FBXW8: variants seen among roughly 807,000 people sequenced by gnomAD.
FBXW8 encodes F-box and WD repeat domain containing 8.
A neutral mutation model predicts 65.3 loss-of-function variants in FBXW8; 57 were observed. The observed-to-expected ratio is 0.87, with a 90% CI of 0.71 to 1.09. FBXW8 has a LOEUF of 1.09. FBXW8 is among the 50% of genes least tolerant of loss of function. The pLI, the probability that FBXW8 is intolerant of heterozygous loss-of-function variation, is 0.00. For synonymous variants in FBXW8, 308 were observed against 330.2 expected (o/e 0.93, Z 0.73); for missense variants, 777 against 814.8 (o/e 0.95, Z 0.57).
intron 7 of FBXW8, among the ~76,000 whole-genome samples, chr12:116,995,433 T>C (rs1028534505): frequency 6.6e-6 from 1 of 152,162 alleles, no homozygotes; most frequent in African/African-American, 2.4e-5. Flanking sequence ...GGATGCTGAG[T>C]TGCTGAGGGC....
At chr12:117,003,608 T>C (rs1157382616) in intron 7 of FBXW8, among the ~76,000 whole-genome samples, 3 of 152,272 alleles carry the variant, frequency 2.0e-5, no homozygotes, top group Admixed American at 2.0e-4. Context: ...GTGCATTCTT[T>C]AGAAGTTTCT....
At chr12:116,957,349 AT>A (rs1397250328) in intron 4 of FBXW8, among the ~76,000 whole-genome samples, 8 of 151,924 alleles carry the variant, frequency 5.3e-5, no homozygotes, top group East Asian at 3.9e-4. Context: ...CTCAAAAAAA[AT>A]TTTTTTTTAA....
chr12:116,920,126 C>T (rs1170010533), intron 1 of FBXW8, among the ~76,000 whole-genome samples: 1 of 152,164 alleles, frequency 6.6e-6, no homozygotes, highest in Non-Finnish European at 1.5e-5. Flanking sequence ...GTTAATTCTT[C>T]CGTGATTTCT....
At chr12:117,014,357 C>T (rs747960580) in intron 8 of FBXW8, among the ~76,000 whole-genome samples, 1 of 152,164 alleles carries the variant, frequency 6.6e-6, no homozygotes, top group African/African-American at 2.4e-5. Flanking sequence ...ACCTTTACCT[C>T]GTGGAATATA....
Position 117,030,534 on chromosome 12 carries a change from A to G in FBXW8, c.*2362A>G, listed in dbSNP as rs141869018. Reference sequence around the variant, plus strand: ...TTTCTTTTCAAAAAGCAGCCCCTTCAGTCTGCGTTCCCAGTTCATTTTGCA... The same window carrying G: ...TTTCTTTTCAAAAAGCAGCCCCTTCGGTCTGCGTTCCCAGTTCATTTTGCA... On this transcript the variant is annotated 3_prime_UTR_variant, in exon 11 of 11. Coordinates refer to ENST00000652555, the MANE Select transcript of FBXW8 (RefSeq NM_153348.3). 249 of 152,336 alleles carry G rather than the reference A, an allele frequency of 1.6e-3. 1 individual carries two copies. Among genetic ancestry groups the G allele is most frequent in the African/African-American group, 5.7e-3 (237 of 41,574 alleles). The allele number at this position is 152,336 out of a possible 1,614,324, so 9.4% of individuals were successfully genotyped here.
chr12:117,005,577 G>A (rs901492475), intron 7 of FBXW8, among the ~76,000 whole-genome samples: 22 of 152,206 alleles, frequency 1.4e-4, no homozygotes, highest in African/African-American at 4.6e-4. Context: ...ACAGATCTGG[G>A]GAAGAGCCGG....
chr12:117,027,220 G>A (rs770383283), intron 9 of FBXW8, among the ~76,000 whole-genome samples, 174 bp from the exon 10 acceptor site: 1 of 152,228 alleles, frequency 6.6e-6, no homozygotes, highest in African/African-American at 2.4e-5. Context: ...GCTCACCTGA[G>A]CTTCGGGAAC....
intron 1 of FBXW8, among the ~76,000 whole-genome samples, chr12:116,925,946 A>T (rs1342080347): frequency 6.6e-6 from 1 of 152,172 alleles, no homozygotes; most frequent in East Asian, 1.9e-4. Flanking sequence ...GCTGGGTTGC[A>T]TCCCAGGGAT....
chr12:117,006,644 C>G (rs966932500), intron 7 of FBXW8, among the ~76,000 whole-genome samples: 2 of 152,222 alleles, frequency 1.3e-5, no homozygotes, highest in Non-Finnish European at 2.9e-5. Context: ...GGTGGGTCTC[C>G]TCAGAGAGGC....
chr12:116,919,701 A>G (rs909832103), intron 1 of FBXW8, among the ~76,000 whole-genome samples: 1 of 152,188 alleles, frequency 6.6e-6, no homozygotes, highest in African/African-American at 2.4e-5. Flanking sequence ...TTGAGTTGAA[A>G]TAATGTGGGC....
In FBXW8 at chr12:117,030,991, C is replaced by A. The variant is rs971716858; in HGVS notation, c.*2819C>A. Reference sequence around the variant, plus strand: ...AGTCCCTCTCAGGGACGCCTCCATCCCCGGCTCCCCTAAAGGTAGAAGATA... The same window carrying A: ...AGTCCCTCTCAGGGACGCCTCCATCACCGGCTCCCCTAAAGGTAGAAGATA... On this transcript the variant is annotated 3_prime_UTR_variant, in exon 11 of 11. Coordinates refer to ENST00000652555, the MANE Select transcript of FBXW8 (RefSeq NM_153348.3). The A allele has an allele frequency of 7.9e-5, 12 of 152,208 alleles. No homozygotes were observed. The highest frequency in any genetic ancestry group is 2.9e-4 in the African/African-American group (12 of 41,454). The allele number at this position is 152,208 out of a possible 1,614,324, so 9.4% of individuals were successfully genotyped here.
chr12:117,018,129 T>C (rs577828352), intron 8 of FBXW8, among the ~76,000 whole-genome samples: 1 of 152,234 alleles, frequency 6.6e-6, no homozygotes, highest in Non-Finnish European at 1.5e-5. Flanking sequence ...GTTGGAGTCT[T>C]TGGAAGGTTC....
At position 116,949,583 on chromosome 12, in the gene FBXW8, G is replaced by A. The variant is rs559339878; in HGVS notation, c.589-35G>A. 3.1e-6 allele frequency: 5 copies of A among 1,597,274 alleles called. No individual in the cohort carries two copies. The Admixed American group carries it at 5.0e-5, about 16-fold the overall frequency. ...GCTTGGCTTTCGGGCTGTCCCGAGA[G>A]CAGTCTAAACTGCATCCCCCTTTTC... On this transcript the variant is annotated intron_variant, in intron 3 of 10. Coordinates refer to ENST00000652555, the MANE Select transcript of FBXW8 (RefSeq NM_153348.3).
At chr12:117,010,901 A>G (rs1456782517) in intron 8 of FBXW8, among the ~76,000 whole-genome samples, 1 of 152,208 alleles carries the variant, frequency 6.6e-6, no homozygotes, top group African/African-American at 2.4e-5. Context: ...TGATGGAAGG[A>G]AAGAGAGACT....
chr12:117,028,376 C>G lies in FBXW8; in HGVS notation c.*204C>G. 1 of 628,444 alleles carries G rather than the reference C, an allele frequency of 1.6e-6. No individual in the cohort carries two copies. The highest frequency in any genetic ancestry group is 2.0e-5 in the South Asian group (1 of 49,958). The allele number at this position is 628,444 out of a possible 1,614,324, so 38.9% of individuals were successfully genotyped here. The stretch of plus-strand genomic sequence containing the variant: ...CTGGCGTGTGCCAGGGCTCGAGTCC[C>G]ACGTGCTGCCAACTCAAACATAGCC... On this transcript the variant is annotated 3_prime_UTR_variant, in exon 11 of 11. Transcript: ENST00000652555. The surrounding 1 kb of genome is among the most constrained non-coding windows in gnomAD (Gnocchi z 4.1).
chr12:116,993,138 C>G (rs1953292167), intron 7 of FBXW8, among the ~76,000 whole-genome samples: 1 of 115,000 alleles, frequency 8.7e-6, no homozygotes, highest in South Asian at 3.0e-4. Context: ...ACGTCTTGCT[C>G]TGTCGCCCAG....
At chr12:116,977,524 A>G (rs1001559552) in intron 5 of FBXW8, 7 of 152,128 alleles carry the variant, frequency 4.6e-5, no homozygotes, top group Non-Finnish European at 1.0e-4. Flanking sequence ...TGTACCCATC[A>G]CTCAGCTTCA....
At chr12:116,944,361 G>A (rs749478119) in intron 2 of FBXW8, among the ~76,000 whole-genome samples, 5 of 152,194 alleles carry the variant, frequency 3.3e-5, no homozygotes, top group South Asian at 4.2e-4. Context: ...TATCAGCTGA[G>A]GCCCTTTGTG....
At chr12:116,915,175 G>C (rs1880305292) in intron 1 of FBXW8, among the ~76,000 whole-genome samples, 2 of 152,232 alleles carry the variant, frequency 1.3e-5, no homozygotes, top group Admixed American at 6.5e-5. Flanking sequence ...GCAAGCCCCA[G>C]AGCCCACAGG....
Sources: allele counts gnomAD v4.1 joint callset (sites outside exome capture counted in the v4.1 genomes callset), GRCh38; gene constraint gnomAD v4.1.1; non-coding constraint Gnocchi (gnomAD v3.1); transcripts MANE v1.5; gene names NCBI Gene and HGNC (gene_info 2026-07-23, HGNC 2026-07-21).